Variants in FGF1 observed in about 807,000 individuals in gnomAD.
FGF1 encodes the protein fibroblast growth factor 1.
In FGF1, 9 loss-of-function variants were observed where a neutral mutation model predicts 13.4. That is an observed-to-expected ratio of 0.67 (90% CI 0.40 to 1.17). The LOEUF (loss-of-function observed/expected upper bound fraction) is 1.17. FGF1 is among the 50% of genes most tolerant of loss of function. The pLI is 0.01. For synonymous variants in FGF1, 93 were observed against 79.0 expected (o/e 1.18, Z -0.94); for missense variants, 156 against 192.7 (o/e 0.81, Z 1.13).
At chr5:142,685,699 T>A (rs191575130) in intron 1 of FGF1, 4 of 152,376 alleles carry the variant, frequency 2.6e-5, no homozygotes. Flanking sequence ...TATTTTTACA[T>A]GTCTGTGACA....
At chr5:142,646,003 C>T (rs1280857519) in intron 1 of FGF1, among the ~76,000 whole-genome samples, 22 of 152,084 alleles carry the variant, frequency 1.4e-4, no homozygotes, top group Middle Eastern at 3.4e-3. Flanking sequence ...CTGCCTCCCG[C>T]GTTCAAGTCA....
At chr5:142,627,291 C>T (rs1383516442) in intron 1 of FGF1, 1 of 152,108 alleles carries the variant, frequency 6.6e-6, no homozygotes, top group Non-Finnish European at 1.5e-5. Flanking sequence ...TCTTCTCCAG[C>T]CAAGAGAAGT....
intron 1 of FGF1, among the ~76,000 whole-genome samples, chr5:142,654,501 A>G (rs1767812776): frequency 6.6e-6 from 1 of 152,256 alleles, no homozygotes; most frequent in Admixed American, 6.5e-5. Flanking sequence ...CTGTGGTTAT[A>G]AAGCCAAGAT....
chr5:142,623,079 T>C (rs947562882), intron 1 of FGF1, among the ~76,000 whole-genome samples: 5 of 152,258 alleles, frequency 3.3e-5, no homozygotes, highest in African/African-American at 1.2e-4. Context: ...TCATAGAAAT[T>C]GGCAAATGCC....
Position 142,691,249 on chromosome 5 carries a change from C to T in FGF1, c.-35+6373G>A, listed in dbSNP as rs961619846. On this transcript the variant is annotated intron_variant, in intron 2 of 4. Coordinates refer to the FGF1 transcript ENST00000407758. ...TAGCCTGGCCAACATGGTGAAACCCCGTCTCTACTAAAAATTACAAAAATT... is the reference window on the plus strand; with the variant it reads ...TAGCCTGGCCAACATGGTGAAACCCTGTCTCTACTAAAAATTACAAAAATT... 4.0e-4 allele frequency among the ~76,000 whole-genome samples: 61 copies of T among 151,772 alleles called. 1 individual carries two copies. The highest frequency in any genetic ancestry group is 6.6e-5 in the Admixed American group (1 of 15,188).
intron 2 of FGF1, among the ~76,000 whole-genome samples, chr5:142,607,883 C>T (rs1227387919): frequency 1.3e-5 from 2 of 152,200 alleles, no homozygotes; most frequent in African/African-American, 4.8e-5. Context: ...CATGGCTGTG[C>T]TAGCCCGCAA....
intron 2 of FGF1, among the ~76,000 whole-genome samples, chr5:142,606,486 G>A (rs1275106595): frequency 6.6e-6 from 1 of 151,882 alleles, no homozygotes; most frequent in African/African-American, 2.4e-5. Flanking sequence ...AGCCAGATGT[G>A]TTGGTGGGCG....
upstream of FGF1, among the ~76,000 whole-genome samples, chr5:142,689,686 C>T (rs1207982307): frequency 7.2e-6 from 1 of 139,096 alleles, no homozygotes; most frequent in African/African-American, 2.7e-5. Context: ...GTGTTTTCCT[C>T]GATCCTAGTT....
In FGF1 at chr5:142,636,046, A is replaced by C. The variant is rs547258235; in HGVS notation, c.-34-21885T>G. ...TGTTTGTTGCTGCTGGTGGGAAGAA[A>C]ATAAAACAGAGGGTGAGGCAACATA... On this transcript the variant is annotated intron_variant, in intron 1 of 3. Coordinates refer to ENST00000337706, the MANE Select transcript of FGF1 (RefSeq NM_000800.5). 1.2e-4 allele frequency among the ~76,000 whole-genome samples: 18 copies of C among 152,252 alleles called. No individual in the cohort carries two copies. In the East Asian group the frequency reaches 3.5e-3, roughly 29 times the overall value.
At chr5:142,643,388 T>C (rs1765506916) in intron 1 of FGF1, among the ~76,000 whole-genome samples, 1 of 152,178 alleles carries the variant, frequency 6.6e-6, no homozygotes, top group Non-Finnish European at 1.5e-5. Context: ...CTTCTTTATG[T>C]TTTTCTATTT....
chr5:142,691,012 C>T (rs1752120294), upstream of FGF1, among the ~76,000 whole-genome samples: 1 of 152,186 alleles, frequency 6.6e-6, no homozygotes, highest in Non-Finnish European at 1.5e-5. Flanking sequence ...CAGCTCAGGC[C>T]ACCTGCAGCC....
chr5:142,671,832 C>T (rs1407346149), intron 1 of FGF1: 1 of 152,192 alleles, frequency 6.6e-6, no homozygotes, highest in Admixed American at 6.5e-5. Flanking sequence ...TACCTGATTA[C>T]ATCCTCTGAG....
At chr5:142,607,926 A>G (rs1028128912) in intron 2 of FGF1, among the ~76,000 whole-genome samples, 1 of 152,214 alleles carries the variant, frequency 6.6e-6, no homozygotes, top group African/African-American at 2.4e-5. Context: ...TGAGGAACTA[A>G]GTTTGTAGCT....
chr5:142,602,433 C>G (rs914342942), intron 2 of FGF1, among the ~76,000 whole-genome samples: 4 of 152,138 alleles, frequency 2.6e-5, no homozygotes, highest in Non-Finnish European at 4.4e-5. Flanking sequence ...CCTCAGCCTC[C>G]CAAAGTGCTG....
At chr5:142,681,221 G>T (rs1217351395) in intron 1 of FGF1, among the ~76,000 whole-genome samples, 3 of 152,182 alleles carry the variant, frequency 2.0e-5, no homozygotes, top group African/African-American at 7.2e-5. Flanking sequence ...TATTTAGAGG[G>T]ATTGCATTGG....
At chr5:142,636,708 G>A (rs1453102914) in intron 1 of FGF1, among the ~76,000 whole-genome samples, 3 of 151,922 alleles carry the variant, frequency 2.0e-5, no homozygotes, top group South Asian at 4.1e-4. Flanking sequence ...TAGAGGAAGG[G>A]GTATTTCTAT....
At chr5:142,666,978 A>G (rs1770512504) in intron 1 of FGF1, among the ~76,000 whole-genome samples, 1 of 151,490 alleles carries the variant, frequency 6.6e-6, no homozygotes, top group African/African-American at 2.4e-5. Flanking sequence ...AAAAAAAAAG[A>G]AAGAAAGAAA....
At chr5:142,635,244 C>T (rs1474554348) in intron 1 of FGF1, among the ~76,000 whole-genome samples, 1 of 152,176 alleles carries the variant, frequency 6.6e-6, no homozygotes, top group Non-Finnish European at 1.5e-5. Flanking sequence ...GGGATGATAA[C>T]AGTACCTCGT....
rs142314059 is a variant in FGF1, at chr5:142,675,565, A to G, written c.-35+10392T>C. Among the ~76,000 whole-genome samples the G allele has an allele frequency of 3.0e-3, 462 of 152,344 alleles. 2 individuals carry two copies. Among genetic ancestry groups the G allele is most frequent in the Middle Eastern group, 0.01 (3 of 294 alleles). On this transcript the variant is annotated intron_variant, in intron 1 of 3. Transcript: ENST00000337706. The stretch of plus-strand genomic sequence containing the variant: ...ACAAAAGAAGGGGAAGAGAATTAGC[A>G]AGAATCAAGAGAGACAGCTATGCTG...
Sources: allele counts gnomAD v4.1 joint callset (sites outside exome capture counted in the v4.1 genomes callset), GRCh38; gene constraint gnomAD v4.1.1; transcripts MANE v1.5; gene names NCBI Gene and HGNC (gene_info 2026-07-23, HGNC 2026-07-21).